ASCC1: variants seen among roughly 807,000 people sequenced by gnomAD.
ASCC1 encodes ASC-1 complex subunit P50.
In ASCC1, 35 loss-of-function variants were observed where a neutral mutation model predicts 46.6. That is an observed-to-expected ratio of 0.75 (90% CI 0.57 to 0.99). ASCC1 has a LOEUF of 0.99. ASCC1 is among the 50% of genes least tolerant of loss of function. ASCC1 has a pLI of 0.00. For missense variants in ASCC1, 376 were observed against 428.7 expected (o/e 0.88, Z 1.09); for synonymous variants, 143 against 146.6 (o/e 0.98, Z 0.18).
At chr10:72,122,837 T>C (rs1844370167) in intron 9 of ASCC1, among the ~76,000 whole-genome samples, 1 of 152,018 alleles carries the variant, frequency 6.6e-6, no homozygotes, top group African/African-American at 2.4e-5. Flanking sequence ...TTTAAAATAT[T>C]TTAAGGTAAA....
intron 1 of ASCC1, among the ~76,000 whole-genome samples, chr10:72,213,995 G>A (rs931576787): frequency 4.0e-5 from 6 of 151,690 alleles, no homozygotes; most frequent in East Asian, 3.9e-4. Context: ...CTAAGATCGC[G>A]CCACTGCACT....
At chr10:72,144,221 C>T (rs779016472) in intron 7 of ASCC1, among the ~76,000 whole-genome samples, 3 of 152,018 alleles carry the variant, frequency 2.0e-5, no homozygotes, top group Non-Finnish European at 4.4e-5. Flanking sequence ...ATGATCCACC[C>T]GCCTCGGCCT....
intron 1 of ASCC1, among the ~76,000 whole-genome samples, chr10:72,214,165 C>G (rs374385615): frequency 6.6e-6 from 1 of 151,722 alleles, no homozygotes; most frequent in Non-Finnish European, 1.5e-5. Flanking sequence ...CCAGCCTGGG[C>G]AACATGGCGA....
At chr10:72,211,003 C>T (rs550498426) in intron 2 of ASCC1, among the ~76,000 whole-genome samples, 172 bp from the exon 3 acceptor site, 1 of 152,270 alleles carries the variant, frequency 6.6e-6, no homozygotes, top group East Asian at 1.9e-4. Flanking sequence ...CTGACCCGAT[C>T]GTATAGGAAA....
chr10:72,174,296 G>C (rs78811265), intron 5 of ASCC1, among the ~76,000 whole-genome samples: 2 of 152,178 alleles, frequency 1.3e-5, no homozygotes, highest in African/African-American at 4.8e-5. Context: ...CCCTGGGCTC[G>C]AGTGGGGCAG....
upstream of ASCC1, among the ~76,000 whole-genome samples, chr10:72,216,661 TAGAAA>T (rs1410814555): frequency 1.3e-5 from 2 of 151,968 alleles, no homozygotes; most frequent in Admixed American, 6.6e-5. Context: ...ATATATCTGT[TAGAAA>T]GGAAAGGAAT....
chr10:72,210,908 G>T, intron 2 of ASCC1, 77 bp from the exon 3 acceptor site: 1 of 1,373,946 alleles, frequency 7.3e-7, no homozygotes, highest in Non-Finnish European at 1.0e-6. Flanking sequence ...GCTGTCAACC[G>T]CTGTTGAGGT....
chr10:72,155,097 G>A (rs2132598775), intron 6 of ASCC1, among the ~76,000 whole-genome samples: 1 of 152,164 alleles, frequency 6.6e-6, no homozygotes, highest in African/African-American at 2.4e-5. Context: ...TAAAAAATAT[G>A]TTATATATAT....
chr10:72,214,962 T>C (rs1461618288), intron 1 of ASCC1, among the ~76,000 whole-genome samples: 3 of 152,168 alleles, frequency 2.0e-5, no homozygotes, highest in Non-Finnish European at 4.4e-5. Flanking sequence ...ACTTAATGAA[T>C]CAATAATTTA....
At position 72,133,126 on chromosome 10, in the gene ASCC1, CTA is replaced by C. The variant is rs1342663019; in HGVS notation, c.800_801del (p.Ile267SerfsTer6). 1 of 1,614,118 alleles carries C rather than the reference CTA, an allele frequency of 6.2e-7. No individual in the cohort carries two copies. The highest frequency in any genetic ancestry group is 8.5e-7 in the Non-Finnish European group (1 of 1,179,974). ...AGTTTCACACTATTCCACTCTTTCA[CTA>C]TTAGTCCAGATGCCTGAAAACGTTC... ...VLERFQASGL[I>X]VKEWNSVKLH... On this transcript the variant is annotated frameshift_variant, in exon 8 of 10. Coordinates refer to ENST00000672957, the MANE Select transcript of ASCC1 (RefSeq NM_001198800.3). LOFTEE classifies it high-confidence loss of function.
intron 9 of ASCC1, among the ~76,000 whole-genome samples, chr10:72,119,646 G>A (rs1376053896): frequency 2.0e-5 from 3 of 151,604 alleles, no homozygotes; most frequent in African/African-American, 7.3e-5. Context: ...TCACACAACA[G>A]TACATCATGT....
Position 72,211,197 on chromosome 10 carries a change from A to G in ASCC1, c.113-366T>C, listed in dbSNP as rs191708862. On this transcript the variant is annotated intron_variant, in intron 2 of 9. Coordinates refer to ENST00000672957, the MANE Select transcript of ASCC1 (RefSeq NM_001198800.3). ...AAGATACTGGATATGAGACAGAGAG[A>G]CCACATTCACATCACTTTTATTACA... Among the ~76,000 whole-genome samples the G allele has an allele frequency of 2.9e-3, 435 of 152,308 alleles. 3 individuals are homozygous for G. Among genetic ancestry groups the G allele is most frequent in the Non-Finnish European group, 5.1e-3 (350 of 68,030 alleles).
chr10:72,155,012 A>C (rs564049397), intron 6 of ASCC1, among the ~76,000 whole-genome samples: 6 of 152,270 alleles, frequency 3.9e-5, no homozygotes, highest in Admixed American at 3.9e-4. Flanking sequence ...CTGATATAAT[A>C]AGTTATATTT....
intron 1 of ASCC1, 53 bp from the exon 2 acceptor site, chr10:72,213,384 T>G: frequency 1.1e-6 from 1 of 944,726 alleles, no homozygotes; most frequent in Non-Finnish European, 1.7e-6. Context: ...AAAACTCCTA[T>G]CTCTAGTGTC....
At chr10:72,126,163 C>T (rs1007467003) in intron 9 of ASCC1, among the ~76,000 whole-genome samples, 1 of 152,114 alleles carries the variant, frequency 6.6e-6, no homozygotes, top group African/African-American at 2.4e-5. Context: ...AAATAATGCT[C>T]AATTTGTGAG....
chr10:72,172,689 A>G (rs1237080043), intron 5 of ASCC1, among the ~76,000 whole-genome samples: 1 of 134,430 alleles, frequency 7.4e-6, no homozygotes, highest in Non-Finnish European at 1.5e-5. Flanking sequence ...TAGTTCCTCT[A>G]AAAATATATA....
At chr10:72,098,175 C>T (rs1195761594) in intron 9 of ASCC1, among the ~76,000 whole-genome samples, 1 of 152,174 alleles carries the variant, frequency 6.6e-6, no homozygotes, top group Non-Finnish European at 1.5e-5. Flanking sequence ...ATACATACTC[C>T]AAGAGGGACT....
chr10:72,191,942 C>G (rs758991353), intron 5 of ASCC1, among the ~76,000 whole-genome samples: 1 of 151,530 alleles, frequency 6.6e-6, no homozygotes, highest in Non-Finnish European at 1.5e-5. Flanking sequence ...ACCACCACGC[C>G]GGCCAGGAAA....
At chr10:72,199,697 A>C (rs926270800) in intron 4 of ASCC1, among the ~76,000 whole-genome samples, 1 of 151,984 alleles carries the variant, frequency 6.6e-6, no homozygotes, top group Admixed American at 6.6e-5. Flanking sequence ...GCATGAGCTA[A>C]CACGCCTGCC....
Sources: allele counts gnomAD v4.1 joint callset (sites outside exome capture counted in the v4.1 genomes callset), GRCh38; gene constraint gnomAD v4.1.1; transcripts MANE v1.5; gene names NCBI Gene and HGNC (gene_info 2026-07-23, HGNC 2026-07-21).